SLC25A13: variants seen among roughly 807,000 people sequenced by gnomAD.
SLC25A13 encodes the protein solute carrier family 25 member 13, also known as electrogenic aspartate/glutamate antiporter SLC25A13, mitochondrial.
SLC25A13 carries 70 observed loss-of-function variants against 85.5 expected under a neutral mutation model. That is an observed-to-expected ratio of 0.82 (90% confidence interval 0.68 to 1.00). The LOEUF is 1.00. SLC25A13 is among the 50% of genes least tolerant of loss of function. The pLI, the probability that SLC25A13 is intolerant of heterozygous loss-of-function variation, is 0.00. For missense variants in SLC25A13, 765 were observed against 819.8 expected (o/e 0.93, Z 0.82); for synonymous variants, 259 against 288.7 (o/e 0.90, Z 1.04).
At position 96,260,211 on chromosome 7, in the gene SLC25A13, A is replaced by T. The variant is rs113175214; in HGVS notation, c.212+16985T>A. Among the ~76,000 whole-genome samples, 532 of 152,176 alleles carry T rather than the reference A, an allele frequency of 3.5e-3. 1 individual carries two copies. The highest frequency in any genetic ancestry group is 0.011 in the African/African-American group (462 of 41,526). ...CAGAACTTAAAATATAATAATAATT[A>T]AAAAAGGGGGAGATTCAAGCAGAGC... On this transcript the variant is annotated intron_variant, in intron 3 of 17. Transcript: ENST00000265631.
At chr7:96,184,719 A>C in intron 10 of SLC25A13, 1 of 637,352 alleles carries the variant, frequency 1.6e-6, no homozygotes, top group South Asian at 2.0e-5. Flanking sequence ...CTGTAGATAG[A>C]GGAAAATGCC....
intron 2 of SLC25A13, among the ~76,000 whole-genome samples, chr7:96,280,863 A>G (rs1450045430): frequency 6.6e-6 from 1 of 152,182 alleles, no homozygotes; most frequent in African/African-American, 2.4e-5. Context: ...ATTTTAGAAA[A>G]ATGCTGGGCA....
chr7:96,184,151 G>T, intron 11 of SLC25A13, 126 bp downstream of exon 11: 1 of 1,214,364 alleles, frequency 8.2e-7, no homozygotes, highest in Non-Finnish European at 1.2e-6. Context: ...CATTAGCATG[G>T]ATAATTGAAA....
rs150801551 is a variant in SLC25A13, at chr7:96,192,011, G to C, written c.616-764C>G. On this transcript the variant is annotated intron_variant, in intron 6 of 17. Transcript: ENST00000265631. Reference sequence around the variant, plus strand: ...TTATTAGGAAAGCACTTCTTTACAAGGTAACAACCACATAAATCTTCACTT... The same window carrying C: ...TTATTAGGAAAGCACTTCTTTACAACGTAACAACCACATAAATCTTCACTT... Among the ~76,000 whole-genome samples, 237 of 152,182 alleles carry C rather than the reference G, an allele frequency of 1.6e-3. 3 individuals carry two copies. Among genetic ancestry groups the C allele is most frequent in the African/African-American group, 5.6e-3 (231 of 41,532 alleles).
At chr7:96,219,717 C>T (rs374837572) in intron 4 of SLC25A13, 1 of 534,648 alleles carries the variant, frequency 1.9e-6, no homozygotes. Context: ...ACATTCTACA[C>T]TATTACAATG....
intron 3 of SLC25A13, among the ~76,000 whole-genome samples, chr7:96,257,625 C>G (rs1797690879): frequency 6.6e-6 from 1 of 152,170 alleles, no homozygotes; most frequent in Non-Finnish European, 1.5e-5. Flanking sequence ...CAGCCAAATT[C>G]TACCAGAGGT....
rs913011652 is a variant in SLC25A13, at chr7:96,276,209, T to C, written c.212+987A>G. Among the ~76,000 whole-genome samples the C allele has an allele frequency of 2.4e-4, 36 of 152,248 alleles. 1 individual carries two copies. Reference sequence around the variant, plus strand: ...AGAGAAGGTTAGTTCTTGTACATTATACTTTGGCTATTAGCAGACATTGGT... The same window carrying C: ...AGAGAAGGTTAGTTCTTGTACATTACACTTTGGCTATTAGCAGACATTGGT... On this transcript the variant is annotated intron_variant, in intron 3 of 17. Transcript: ENST00000265631.
chr7:96,225,203 C>G (rs1406540533), intron 4 of SLC25A13, among the ~76,000 whole-genome samples: 3 of 152,120 alleles, frequency 2.0e-5, no homozygotes, highest in African/African-American at 7.2e-5. Context: ...CCTTTGGCCC[C>G]CTTCCTCTCA....
intron 4 of SLC25A13, among the ~76,000 whole-genome samples, chr7:96,228,111 G>A (rs199665665): frequency 4.5e-4 from 68 of 152,274 alleles, no homozygotes; most frequent in African/African-American, 1.5e-3. Flanking sequence ...TGATCCACCC[G>A]CCTTGGCCTC....
In SLC25A13 at chr7:96,269,958, G is replaced by C. The variant is rs556319637; in HGVS notation, c.212+7238C>G. On this transcript the variant is annotated intron_variant, in intron 3 of 17. Coordinates refer to ENST00000265631, the MANE Select transcript of SLC25A13 (RefSeq NM_014251.3). ...ACTGGTGGTTGCCAGGGCCTCCCTT[G>C]GGGGAAGGGGACAGTATGGGGAAAG... Among the ~76,000 whole-genome samples, 4 of 152,298 alleles carry C rather than the reference G, an allele frequency of 2.6e-5. No individual in the cohort carries two copies. In the South Asian group the frequency reaches 8.3e-4, roughly 32 times the overall value.
chr7:96,185,160 G>C (rs769619350), intron 9 of SLC25A13, 149 bp from the exon 10 acceptor site: 16 of 553,480 alleles, frequency 2.9e-5, no homozygotes, highest in Non-Finnish European at 5.0e-5. Context: ...AAGTAGGAAT[G>C]GATTTCATAA....
At chr7:96,191,362 G>C in intron 6 of SLC25A13, 115 bp from the exon 7 acceptor site, 1 of 1,093,388 alleles carries the variant, frequency 9.1e-7, no homozygotes, top group Non-Finnish European at 1.3e-6. Context: ...TGTACAAGAA[G>C]AAATGACTAT....
In SLC25A13 at chr7:96,212,899, T is replaced by C. The variant is rs77798693; in HGVS notation, c.329-3922A>G. 6.4e-3 allele frequency among the ~76,000 whole-genome samples: 969 copies of C among 152,336 alleles called. 7 individuals are homozygous for C. Among genetic ancestry groups the C allele is most frequent in the South Asian group, 0.015 (74 of 4,826 alleles). On this transcript the variant is annotated intron_variant, in intron 4 of 17. Coordinates refer to ENST00000265631, the MANE Select transcript of SLC25A13 (RefSeq NM_014251.3). The stretch of plus-strand genomic sequence containing the variant: ...CTACGAAATTTACTTTTTACTCTCT[T>C]GACCTACCTAGCAGGATTATGTACT...
intron 3 of SLC25A13, among the ~76,000 whole-genome samples, chr7:96,241,219 T>C (rs1796985455): frequency 2.0e-5 from 3 of 152,138 alleles, no homozygotes; most frequent in Admixed American, 2.0e-4. Flanking sequence ...GGGTTAGCCC[T>C]GCCCCACAAG....
intron 4 of SLC25A13, among the ~76,000 whole-genome samples, chr7:96,230,972 A>G (rs1023188536): frequency 1.3e-5 from 2 of 152,152 alleles, no homozygotes; most frequent in African/African-American, 4.8e-5. Context: ...TCAGCCAGGC[A>G]TGGTGGTGCA....
At chr7:96,285,306 T>C (rs1562903779) in intron 2 of SLC25A13, among the ~76,000 whole-genome samples, 2 of 152,024 alleles carry the variant, frequency 1.3e-5, no homozygotes, top group African/African-American at 4.8e-5. Context: ...CTCACACCCA[T>C]CTCCTCGTCA....
chr7:96,233,363 G>T (rs1369569382), intron 4 of SLC25A13, among the ~76,000 whole-genome samples: 1 of 152,162 alleles, frequency 6.6e-6, no homozygotes, highest in Non-Finnish European at 1.5e-5. Flanking sequence ...TCTAAAAATT[G>T]GTATTCCATT....
chr7:96,155,086 C>T (rs965248508), intron 13 of SLC25A13, among the ~76,000 whole-genome samples: 1 of 152,156 alleles, frequency 6.6e-6, no homozygotes, highest in African/African-American at 2.4e-5. Context: ...AGGTGTGAGC[C>T]ACTGTACCAG....
At chr7:96,211,606 C>A (rs1384620880) in intron 4 of SLC25A13, among the ~76,000 whole-genome samples, 1 of 152,220 alleles carries the variant, frequency 6.6e-6, no homozygotes, top group Non-Finnish European at 1.5e-5. Context: ...TTCTTCGCAT[C>A]TGATTCTACC....
Sources: allele counts gnomAD v4.1 joint callset (sites outside exome capture counted in the v4.1 genomes callset), GRCh38; gene constraint gnomAD v4.1.1; transcripts MANE v1.5; gene names NCBI Gene and HGNC (gene_info 2026-07-23, HGNC 2026-07-21).